Variants in ITIH5 observed in about 807,000 individuals in gnomAD.
ITIH5 encodes inter-alpha-trypsin inhibitor heavy chain 5, also known as inter-alpha-trypsin inhibitor heavy chain H5.
In ITIH5, 65 loss-of-function variants were observed where a neutral mutation model predicts 77.5. The ratio of observed to expected loss-of-function variants is 0.84; its 90% confidence interval spans 0.69 to 1.03. The LOEUF is 1.03. Among genes scored for constraint, ITIH5 ranks in the 50% least tolerant of loss-of-function variants. The pLI, the probability that ITIH5 is intolerant of heterozygous loss-of-function variation, is 0.00. For missense variants in ITIH5, 1,208 were observed against 1,213.1 expected (o/e 1.00, Z 0.06); for synonymous variants, 525 against 494.3 (o/e 1.06, Z -0.82).
chr10:7,611,913 AT>A (rs55973419), intron 7 of ITIH5, among the ~76,000 whole-genome samples: 3,799 of 141,528 alleles, frequency 0.027, 166 homozygotes, highest in African/African-American at 0.092. Flanking sequence ...TCCACCTGCA[AT>A]TTTTTTTTTT....
chr10:7,638,207 C>A (rs562711870), intron 4 of ITIH5, among the ~76,000 whole-genome samples: 1 of 152,180 alleles, frequency 6.6e-6, no homozygotes, highest in South Asian at 2.1e-4. Flanking sequence ...AGTGCAGGCT[C>A]TGAATTCAGG....
intron 7 of ITIH5, among the ~76,000 whole-genome samples, chr10:7,594,486 A>G (rs1832856024): frequency 6.6e-6 from 1 of 152,206 alleles, no homozygotes. Flanking sequence ...ATTCCTTAAA[A>G]GATGACCACA....
chr10:7,591,054 G>T (rs1005624516), intron 7 of ITIH5, among the ~76,000 whole-genome samples: 2 of 152,120 alleles, frequency 1.3e-5, no homozygotes, highest in South Asian at 4.1e-4. Context: ...ACGCCATCAC[G>T]CTCAGCTAAT....
intron 7 of ITIH5, 141 bp downstream of exon 7, chr10:7,615,841 C>T (rs779542424): frequency 1.2e-5 from 8 of 641,554 alleles, no homozygotes; most frequent in Admixed American, 2.4e-5. Context: ...TAACTGAATC[C>T]GCTCAAGAAG....
At chr10:7,657,607 G>A (rs1419063783) in intron 1 of ITIH5, among the ~76,000 whole-genome samples, 2 of 151,812 alleles carry the variant, frequency 1.3e-5, no homozygotes, top group Non-Finnish European at 1.5e-5. Flanking sequence ...TTACCACACA[G>A]CTACTGAAAA....
At chr10:7,617,469 G>T in intron 5 of ITIH5, 187 bp from the exon 6 acceptor site, 1 of 422,812 alleles carries the variant, frequency 2.4e-6, no homozygotes, top group Non-Finnish European at 4.1e-6. Context: ...TTCCTCTTAT[G>T]CCTCTTTTTG....
chr10:7,581,956 A>G (rs531869500), intron 8 of ITIH5, among the ~76,000 whole-genome samples: 8 of 146,616 alleles, frequency 5.5e-5, no homozygotes, highest in Non-Finnish European at 1.2e-4. Flanking sequence ...GCTCACTGCA[A>G]CCTCTGCCTC....
rs751554057 is a variant in ITIH5, at chr10:7,616,042, G to C, written c.879C>G (p.Pro293=). Residue 293 remains proline, a synonymous_variant, in exon 7 of 14, where the codon CCC becomes CCG. Transcript: ENST00000397146. ...YFAPKDLPPL[P]KNVVFVLDSS... is the part of the protein sequence containing the mutation. ...TGTCAAGCACGAATACCACATTCTT[G>C]GGTAAAGGAGGAAGGTCTTTAGGAG... The C allele has an allele frequency of 6.2e-7, 1 of 1,613,616 alleles. No homozygotes were observed. The highest frequency in any genetic ancestry group is 8.5e-7 in the Non-Finnish European group (1 of 1,179,568).
intron 5 of ITIH5, among the ~76,000 whole-genome samples, chr10:7,636,855 C>T (rs1833805656): frequency 6.6e-6 from 1 of 152,038 alleles, no homozygotes; most frequent in Non-Finnish European, 1.5e-5. Context: ...AGTTTGAGAC[C>T]AGCCTGACCA....
chr10:7,594,993 G>A (rs903491408), intron 7 of ITIH5, among the ~76,000 whole-genome samples: 1 of 152,244 alleles, frequency 6.6e-6, no homozygotes, highest in Non-Finnish European at 1.5e-5. Flanking sequence ...AATCCATAGT[G>A]AATGGGCGTC....
intron 7 of ITIH5, among the ~76,000 whole-genome samples, chr10:7,596,714 C>CCTAA (rs945927216): frequency 6.6e-6 from 1 of 151,988 alleles, no homozygotes; most frequent in African/African-American, 2.4e-5. Context: ...TTTGAATGAG[C>CCTAA]CTAAGGGAAA....
intron 2 of ITIH5, among the ~76,000 whole-genome samples, chr10:7,644,900 C>CATATATATATCACATATATATCACAT (rs1833982505): frequency 1.8e-5 from 1 of 55,768 alleles, no homozygotes; most frequent in Non-Finnish European, 3.2e-5. Flanking sequence ...ATATATATCA[C>CATATATATATCACATATATATCACAT]ATATATATAT....
chr10:7,665,007 C>A (rs549678330), intron 1 of ITIH5, among the ~76,000 whole-genome samples: 2 of 152,144 alleles, frequency 1.3e-5, no homozygotes, highest in African/African-American at 2.4e-5. Context: ...TGCTCTCAAA[C>A]CCTATATCAC....
At chr10:7,598,131 A>C (rs1832944678) in intron 7 of ITIH5, among the ~76,000 whole-genome samples, 2 of 152,226 alleles carry the variant, frequency 1.3e-5, no homozygotes, top group African/African-American at 4.8e-5. Context: ...TGCCTAAAGG[A>C]AATCAATGAT....
intron 5 of ITIH5, among the ~76,000 whole-genome samples, chr10:7,626,560 G>C (rs1439462357): frequency 6.6e-6 from 1 of 152,174 alleles, no homozygotes; most frequent in East Asian, 1.9e-4. Flanking sequence ...GCAGAGCAGA[G>C]ACCGGACCCA....
chr10:7,635,470 T>C (rs954834364), intron 5 of ITIH5, among the ~76,000 whole-genome samples: 2 of 152,174 alleles, frequency 1.3e-5, no homozygotes, highest in Non-Finnish European at 2.9e-5. Context: ...AAGAATGGTG[T>C]ATTGGATCTC....
At chr10:7,608,082 T>C (rs1340681649) in intron 7 of ITIH5, among the ~76,000 whole-genome samples, 1 of 152,092 alleles carries the variant, frequency 6.6e-6, no homozygotes, top group East Asian at 1.9e-4. Flanking sequence ...TGAGACCCCT[T>C]CCCCCAGTCT....
At chr10:7,639,500 A>T (rs1833849441) in intron 4 of ITIH5, among the ~76,000 whole-genome samples, 1 of 152,246 alleles carries the variant, frequency 6.6e-6, no homozygotes, top group South Asian at 2.1e-4. Flanking sequence ...TTCCCTTGTC[A>T]CTAATAAAAT....
intron 1 of ITIH5, among the ~76,000 whole-genome samples, chr10:7,656,829 C>T (rs1180342051): frequency 1.3e-5 from 2 of 150,498 alleles, no homozygotes; most frequent in Non-Finnish European, 3.0e-5. Context: ...CTGCAACCTC[C>T]GCCTCCCAGG....
Sources: allele counts gnomAD v4.1 joint callset (sites outside exome capture counted in the v4.1 genomes callset), GRCh38; gene constraint gnomAD v4.1.1; transcripts MANE v1.5; gene names NCBI Gene and HGNC (gene_info 2026-07-23, HGNC 2026-07-21).